CSMD1: variants seen among roughly 807,000 people sequenced by gnomAD.
The protein encoded by CSMD1 is CUB and Sushi multiple domains 1, also known as CUB and sushi domain-containing protein 1.
A neutral mutation model predicts 417.5 loss-of-function variants in CSMD1; 213 were observed. The ratio of observed to expected loss-of-function variants is 0.51; its 90% CI spans 0.46 to 0.57. CSMD1 has a LOEUF of 0.57. CSMD1 is among the 20% of genes least tolerant of loss of function. CSMD1 has a pLI of 0.00. For missense variants in CSMD1, 6,923 were observed against 4,529.7 expected (o/e 1.53, Z -15.17); for synonymous variants, 2,862 against 1,736.8 (o/e 1.65, Z -16.11).
intron 49 of CSMD1, among the ~76,000 whole-genome samples, chr8:3,079,042 G>A (rs1471270): frequency 6.6e-6 from 1 of 151,876 alleles, no homozygotes. Context: ...CAGGGTCACA[G>A]AGCCAGCAAA....
intron 6 of CSMD1, among the ~76,000 whole-genome samples, chr8:3,717,801 T>C (rs1460299684): frequency 2.6e-5 from 4 of 152,226 alleles, no homozygotes; most frequent in Non-Finnish European, 4.4e-5. Flanking sequence ...TTATTCATAA[T>C]GTATTTAATT....
At position 4,459,217 on chromosome 8, in the gene CSMD1, T is replaced by G. The variant is rs116322807; in HGVS notation, c.303-39152A>C. 6.6e-3 allele frequency among the ~76,000 whole-genome samples: 1,009 copies of G among 152,296 alleles called. 15 individuals are homozygous for G. In the Middle Eastern group the frequency reaches 0.068, roughly 10 times the overall value. ...GGCCATGTCGCTTTCAAGTTCCACC[T>G]ATGTAGGAGGTATGGGAGGCTCAAC... is the stretch of plus-strand genomic sequence containing the variant. On this transcript the variant is annotated intron_variant, in intron 2 of 69. Coordinates refer to ENST00000635120, the MANE Select transcript of CSMD1 (RefSeq NM_033225.6).
In CSMD1 at chr8:2,954,282, G is replaced by C. The variant is rs1417994302; in HGVS notation, c.9995-14C>G. 7.2e-7 allele frequency: 1 copy of C among 1,389,680 alleles called. No homozygotes were observed. Among genetic ancestry groups the C allele is most frequent in the Non-Finnish European group, 9.8e-7 (1 of 1,022,036 alleles). 86.1% of individuals were successfully genotyped at this position (1,389,680 alleles called of 1,614,324 possible). On this transcript the variant is annotated splice_polypyrimidine_tract_variant and intron_variant, in intron 64 of 69. Transcript: ENST00000635120. ...TCACTCCTTTACCTACAAGTAAAAAGACAAATTATCATTTTAAAAAAAACA... is the reference window on the plus strand; with the variant it reads ...TCACTCCTTTACCTACAAGTAAAAACACAAATTATCATTTTAAAAAAAACA...
At chr8:4,103,338 GAA>G (rs1269169467) in intron 3 of CSMD1, among the ~76,000 whole-genome samples, 1 of 151,188 alleles carries the variant, frequency 6.6e-6, no homozygotes, top group Non-Finnish European at 1.5e-5. Flanking sequence ...CTCCAGAGTA[GAA>G]AAAAGTTGGT....
chr8:3,931,115 C>T (rs1049673859), intron 5 of CSMD1, among the ~76,000 whole-genome samples: 2 of 150,270 alleles, frequency 1.3e-5, no homozygotes, highest in Non-Finnish European at 3.0e-5. Flanking sequence ...AAGCCTAGGC[C>T]GATATTGCAG....
intron 54 of CSMD1, among the ~76,000 whole-genome samples, chr8:2,996,177 G>C (rs193207915): frequency 1.3e-5 from 2 of 148,804 alleles, no homozygotes; most frequent in African/African-American, 5.0e-5. Context: ...GACTTTAATG[G>C]GAAAAAAGAG....
At chr8:4,748,373 T>A (rs547832946) in intron 1 of CSMD1, among the ~76,000 whole-genome samples, 1 of 152,240 alleles carries the variant, frequency 6.6e-6, no homozygotes, top group Non-Finnish European at 1.5e-5. Context: ...GGTTTTCTGC[T>A]CCTTTGAATA....
At chr8:4,201,477 G>T (rs967553336) in intron 3 of CSMD1, among the ~76,000 whole-genome samples, 2 of 147,364 alleles carry the variant, frequency 1.4e-5, no homozygotes, top group Admixed American at 6.8e-5. Context: ...GGCGGAGCTT[G>T]CAGTGAGCCG....
rs775300255 is a variant in CSMD1, at chr8:3,406,101, T to C, written c.2192A>G (p.Gln731Arg). 5 of 1,613,958 alleles carry C rather than the reference T, an allele frequency of 3.1e-6. No individual in the cohort carries two copies. The East Asian group carries it at 1.1e-4, about 36-fold the overall frequency. ...FHCDDGFVKT[Q>R]GSESITCILQ... ...TATGCAGGTAATGGACTCGGATCCC[T>C]GGGTCTTGACAAAGCCATCATCACA... The change falls in exon 15 of 70, where the codon CAG (glutamine) becomes CGG (arginine). Residue 731 changes from glutamine to arginine, a missense_variant. By Grantham distance (43) the Gln-to-Arg change is conservative. Coordinates refer to ENST00000635120, the MANE Select transcript of CSMD1 (RefSeq NM_033225.6).
chr8:4,340,792 A>G (rs35509897), intron 3 of CSMD1, among the ~76,000 whole-genome samples: 18,170 of 152,104 alleles, frequency 0.12, 1,561 homozygotes, highest in South Asian at 0.25. Context: ...GGTTGCTTCT[A>G]GAGAGTTAAC....
Position 3,439,142 on chromosome 8 carries a change from AAAAAAAAAAACC to A in CSMD1, c.1562-29549_1562-29538del, listed in dbSNP as rs1585165998. ...CATCTCAAAAAAAAAAAAAAAAAAAAAAAAAAAAAACCAAGAAAAAAAAAAGAAAAAGAAAAA... is the reference window on the plus strand; with the variant it reads ...CATCTCAAAAAAAAAAAAAAAAAAAAAAGAAAAAAAAAAGAAAAAGAAAAA... On this transcript the variant is annotated intron_variant, in intron 12 of 69. Coordinates refer to ENST00000635120, the MANE Select transcript of CSMD1 (RefSeq NM_033225.6). Among the ~76,000 whole-genome samples, 3 of 130,384 alleles carry A rather than the reference AAAAAAAAAAACC, an allele frequency of 2.3e-5. 1 individual carries two copies. Among genetic ancestry groups the A allele is most frequent in the East Asian group, 4.8e-4 (2 of 4,202 alleles). The allele number at this position is 130,384 out of a possible 152,430, so 85.5% of individuals were successfully genotyped here. A position where few individuals can be genotyped will look rare whatever the true frequency, so the allele number is the denominator to read the frequency against.
intron 23 of CSMD1, among the ~76,000 whole-genome samples, chr8:3,324,229 C>T (rs74491507): frequency 1.4e-4 from 17 of 118,832 alleles, no homozygotes; most frequent in African/African-American, 1.6e-4. Flanking sequence ...CCCCAGAGAC[C>T]CGGGAGGGGG....
intron 6 of CSMD1, among the ~76,000 whole-genome samples, chr8:3,724,662 T>G (rs1481118539): frequency 6.6e-6 from 1 of 152,082 alleles, no homozygotes; most frequent in African/African-American, 2.4e-5. Flanking sequence ...GGCTCAACCA[T>G]GAGAATTCAG....
intron 3 of CSMD1, among the ~76,000 whole-genome samples, chr8:4,112,544 C>T (rs1002552362): frequency 2.0e-5 from 3 of 152,144 alleles, no homozygotes; most frequent in Non-Finnish European, 2.9e-5. Flanking sequence ...GGACACAGCA[C>T]GTCCTGCTTT....
At chr8:3,636,257 T>G (rs942858832) in intron 7 of CSMD1, among the ~76,000 whole-genome samples, 5 of 152,194 alleles carry the variant, frequency 3.3e-5, no homozygotes, top group African/African-American at 1.2e-4. Context: ...AGGACAACGA[T>G]GCCTTCTTCT....
chr8:4,868,405 T>A (rs958038981), intron 1 of CSMD1, among the ~76,000 whole-genome samples: 1 of 151,994 alleles, frequency 6.6e-6, no homozygotes, highest in Non-Finnish European at 1.5e-5. Context: ...CGACTAATTT[T>A]TGTACTTTTA....
At chr8:4,755,687 G>C (rs568375398) in intron 1 of CSMD1, among the ~76,000 whole-genome samples, 3 of 152,292 alleles carry the variant, frequency 2.0e-5, no homozygotes, top group South Asian at 2.1e-4. Context: ...ATAATTCGCA[G>C]TTAAAGTTTC....
At chr8:3,829,532 A>G (rs537251742) in intron 5 of CSMD1, among the ~76,000 whole-genome samples, 1 of 152,188 alleles carries the variant, frequency 6.6e-6, no homozygotes, top group Non-Finnish European at 1.5e-5. Flanking sequence ...GAACATGATT[A>G]CATGAGTTTG....
At chr8:4,071,438 A>G (rs1028611097) in intron 3 of CSMD1, among the ~76,000 whole-genome samples, 6 of 152,048 alleles carry the variant, frequency 3.9e-5, no homozygotes, top group African/African-American at 1.4e-4. Context: ...TATTCATTTG[A>G]TTTTCATTTT....
Sources: gnomAD v4.1 joint callset for allele counts (sites outside exome capture counted in the v4.1 genomes callset) on GRCh38, gnomAD v4.1.1 for gene constraint, MANE v1.5 for transcripts, NCBI Gene and HGNC (gene_info 2026-07-23, HGNC 2026-07-21) for gene names.